HPSE2: variants seen among roughly 807,000 people sequenced by gnomAD.
The protein encoded by HPSE2 is inactive heparanase-2.
In HPSE2, 38 loss-of-function variants were observed where a neutral mutation model predicts 60.5. That is an observed-to-expected ratio of 0.63 (90% CI 0.48 to 0.82). HPSE2 has a LOEUF of 0.82. Ranked by LOEUF, HPSE2 falls within the 40% of genes least tolerant of loss-of-function variation. The pLI, the probability that HPSE2 is intolerant of heterozygous loss-of-function variation, is 0.00. For missense variants in HPSE2, 713 were observed against 740.4 expected (o/e 0.96, Z 0.43); for synonymous variants, 295 against 293.2 (o/e 1.01, Z -0.06).
At chr10:99,246,636 A>G in the HPSE2 span, among the ~76,000 whole-genome samples, 16 of 151,966 alleles carry the variant, frequency 1.1e-4, no homozygotes, top group African/African-American at 3.6e-4. Context: ...AGTCCCAACT[A>G]CTCAGGAGGC....
At chr10:99,065,052 C>T (rs1049431424) in intron 3 of HPSE2, among the ~76,000 whole-genome samples, 3 of 152,102 alleles carry the variant, frequency 2.0e-5, no homozygotes, top group Non-Finnish European at 4.4e-5. Flanking sequence ...AATAATTACA[C>T]CAAACTTAAA....
the HPSE2 span, among the ~76,000 whole-genome samples, chr10:99,281,917 G>A: frequency 6.6e-6 from 1 of 152,086 alleles, no homozygotes; most frequent in African/African-American, 2.4e-5. Context: ...AGAGAGCTGA[G>A]TTGGCTATAT....
chr10:98,598,811 G>T (rs1048310393), intron 9 of HPSE2, among the ~76,000 whole-genome samples: 1 of 152,096 alleles, frequency 6.6e-6, no homozygotes, highest in African/African-American at 2.4e-5. Context: ...TGATGAAGCA[G>T]GCATGGAGCC....
At chr10:98,770,655 C>T (rs2134418401) in intron 3 of HPSE2, among the ~76,000 whole-genome samples, 1 of 152,226 alleles carries the variant, frequency 6.6e-6, no homozygotes, top group Admixed American at 6.5e-5. Context: ...CCTCGCCTCC[C>T]CTTCCCCCAA....
chr10:98,930,079 C>T (rs552639621), intron 3 of HPSE2, among the ~76,000 whole-genome samples: 1 of 143,624 alleles, frequency 7.0e-6, no homozygotes, highest in African/African-American at 2.8e-5. Flanking sequence ...CACCTGTCGA[C>T]CCATCATCTA....
At chr10:98,800,436 A>G (rs1950879346) in intron 3 of HPSE2, among the ~76,000 whole-genome samples, 1 of 147,734 alleles carries the variant, frequency 6.8e-6, no homozygotes, top group Admixed American at 6.8e-5. Flanking sequence ...TACATAAAAT[A>G]TATTATAATT....
chr10:99,237,070 C>A (rs1429793408), upstream of HPSE2, among the ~76,000 whole-genome samples: 1 of 152,176 alleles, frequency 6.6e-6, no homozygotes, highest in Non-Finnish European at 1.5e-5. Context: ...CGACCCGCCG[C>A]TGCTCATTGA....
chr10:98,685,712 CT>C (rs894551548), intron 6 of HPSE2, among the ~76,000 whole-genome samples: 11 of 152,068 alleles, frequency 7.2e-5, no homozygotes, highest in Non-Finnish European at 1.3e-4. Flanking sequence ...CTATAAACAT[CT>C]TGTAAAAGTT....
intron 9 of HPSE2, among the ~76,000 whole-genome samples, chr10:98,599,755 G>A (rs564786063): frequency 1.3e-5 from 2 of 152,226 alleles, no homozygotes; most frequent in Admixed American, 6.5e-5. Context: ...CTCTACCTAG[G>A]TGCTATAATA....
chr10:98,553,223 G>C (rs1203477111), intron 9 of HPSE2, among the ~76,000 whole-genome samples: 1 of 152,058 alleles, frequency 6.6e-6, no homozygotes, highest in East Asian at 1.9e-4. Flanking sequence ...CATATTCCCA[G>C]CATTCTGGGA....
chr10:98,741,431 A>T (rs1949494173), intron 4 of HPSE2, among the ~76,000 whole-genome samples: 1 of 152,108 alleles, frequency 6.6e-6, no homozygotes, highest in Non-Finnish European at 1.5e-5. Flanking sequence ...TTTCTGAACT[A>T]TGTAGCACAG....
At chr10:98,789,732 T>C (rs1292132437) in intron 3 of HPSE2, among the ~76,000 whole-genome samples, 1 of 152,188 alleles carries the variant, frequency 6.6e-6, no homozygotes, top group East Asian at 1.9e-4. Flanking sequence ...GCAAGTACTT[T>C]TTTTAAGGGA....
chr10:98,886,493 ACAGAG>A (rs367767691), intron 3 of HPSE2, among the ~76,000 whole-genome samples: 3 of 152,272 alleles, frequency 2.0e-5, no homozygotes, highest in East Asian at 3.9e-4. Context: ...TTATTAAGAG[ACAGAG>A]GAGATACATG....
intron 10 of HPSE2, among the ~76,000 whole-genome samples, chr10:98,484,893 G>T (rs1941383401): frequency 6.6e-6 from 1 of 152,054 alleles, no homozygotes; most frequent in Admixed American, 6.5e-5. Flanking sequence ...GTTTCTAAGG[G>T]GTCCCTTAGG....
At chr10:98,726,957 C>G (rs1949100492) in intron 4 of HPSE2, among the ~76,000 whole-genome samples, 1 of 152,080 alleles carries the variant, frequency 6.6e-6, no homozygotes, top group Non-Finnish European at 1.5e-5. Flanking sequence ...GATGCACTGG[C>G]AAAAGGTGGA....
chr10:98,978,709 C>G (rs553208751), intron 3 of HPSE2, among the ~76,000 whole-genome samples: 35 of 152,272 alleles, frequency 2.3e-4, no homozygotes, highest in African/African-American at 7.9e-4. Flanking sequence ...TTGCTAACTC[C>G]TTCAAAGCAT....
intron 2 of HPSE2, among the ~76,000 whole-genome samples, chr10:99,207,128 G>T (rs574725906): frequency 1.3e-5 from 2 of 152,180 alleles, no homozygotes; most frequent in African/African-American, 4.8e-5. Context: ...AAAAATCAAA[G>T]ATTGAGAGAT....
chr10:98,726,313 T>C (rs1289168252), intron 4 of HPSE2, among the ~76,000 whole-genome samples: 1 of 151,938 alleles, frequency 6.6e-6, no homozygotes, highest in African/African-American at 2.4e-5. Context: ...CCATAAAAAA[T>C]GATGAGTTCA....
At chr10:98,579,673 G>A (rs1305711967) in intron 9 of HPSE2, among the ~76,000 whole-genome samples, 2 of 152,104 alleles carry the variant, frequency 1.3e-5, no homozygotes, top group Non-Finnish European at 2.9e-5. Flanking sequence ...CTTTAACCAA[G>A]GCTATCGGAA....
Sources: gnomAD v4.1 joint callset for allele counts (sites outside exome capture counted in the v4.1 genomes callset) on GRCh38, gnomAD v4.1.1 for gene constraint, MANE v1.5 for transcripts, NCBI Gene and HGNC (gene_info 2026-07-23, HGNC 2026-07-21) for gene names.